Variants in SLC36A1 observed in about 807,000 individuals in gnomAD.
SLC36A1 encodes solute carrier family 36 member 1, also known as proton-coupled amino acid transporter 1.
A neutral mutation model predicts 47.5 loss-of-function variants in SLC36A1; 30 were observed. The observed-to-expected ratio is 0.63, with a 90% CI of 0.47 to 0.86. SLC36A1 has a LOEUF of 0.86. Among genes scored for constraint, SLC36A1 ranks in the 40% least tolerant of loss-of-function variants. The probability of loss-of-function intolerance (pLI) is 0.00; values close to 1 mark genes in which losing one functional copy is unlikely to be tolerated. For missense variants in SLC36A1, 517 were observed against 606.0 expected (o/e 0.85, Z 1.54); for synonymous variants, 255 against 249.7 (o/e 1.02, Z -0.20).
chr5:151,553,217 G>T, the SLC36A1 span: 2 of 1,614,236 alleles, frequency 1.2e-6, no homozygotes, highest in South Asian at 2.2e-5. Context: ...TGCCCTCTAC[G>T]CTGATGACCC....
the SLC36A1 span, among the ~76,000 whole-genome samples, chr5:151,345,177 G>C: frequency 6.6e-6 from 1 of 152,198 alleles, no homozygotes; most frequent in African/African-American, 2.4e-5. Context: ...ACCTGTACCA[G>C]GTTAAGTCAA....
At chr5:151,393,600 G>A in the SLC36A1 span, among the ~76,000 whole-genome samples, 1 of 152,220 alleles carries the variant, frequency 6.6e-6, no homozygotes, top group Non-Finnish European at 1.5e-5. Flanking sequence ...CAGGCCTGGT[G>A]ATGACTAAAT....
At chr5:151,389,673 C>T in the SLC36A1 span, among the ~76,000 whole-genome samples, 6 of 150,722 alleles carry the variant, frequency 4.0e-5, no homozygotes, top group African/African-American at 1.2e-4. Context: ...GTTTTTTGTC[C>T]TTGCAATAGT....
At chr5:151,368,714 GT>G in the SLC36A1 span, among the ~76,000 whole-genome samples, 1,616 of 152,174 alleles carry the variant, frequency 0.011, 65 homozygotes, top group East Asian at 0.14. Flanking sequence ...AAGAATCTTT[GT>G]TTTGGTGATC....
At chr5:151,519,967 A>T in the SLC36A1 span, among the ~76,000 whole-genome samples, 1 of 152,174 alleles carries the variant, frequency 6.6e-6, no homozygotes, top group South Asian at 2.1e-4. Flanking sequence ...CAAAATCTTG[A>T]ATTTTAGAAC....
the SLC36A1 span, among the ~76,000 whole-genome samples, chr5:151,390,058 C>T: frequency 6.6e-6 from 1 of 152,178 alleles, no homozygotes; most frequent in Non-Finnish European, 1.5e-5. Context: ...TCTCCACATC[C>T]TCTCCAGCAC....
chr5:151,483,737 G>A (rs1319509547), intron 10 of SLC36A1, among the ~76,000 whole-genome samples: 1 of 152,194 alleles, frequency 6.6e-6, no homozygotes, highest in Admixed American at 6.5e-5. Flanking sequence ...TACCCGTGCT[G>A]TTGAACCCTG....
At chr5:151,435,116 G>A (rs1401008373), upstream of SLC36A1, among the ~76,000 whole-genome samples, 1 of 152,144 alleles carries the variant, frequency 6.6e-6, no homozygotes, top group Admixed American at 6.6e-5. Flanking sequence ...ACACGTATCT[G>A]GACACTTTAT....
chr5:151,512,249 G>A, the SLC36A1 span: 17 of 1,614,208 alleles, frequency 1.1e-5, no homozygotes, highest in Non-Finnish European at 1.4e-5. The surrounding 1 kb of genome is among the most constrained non-coding windows in gnomAD (Gnocchi z 4.1). Context: ...CACTGGGTGA[G>A]GGCTTGTGTC....
At chr5:151,401,071 G>A in the SLC36A1 span, among the ~76,000 whole-genome samples, 1 of 151,982 alleles carries the variant, frequency 6.6e-6, no homozygotes, top group African/African-American at 2.4e-5. Context: ...GCTTTTGAGG[G>A]CTTAGTCATA....
At chr5:151,471,107 C>T (rs1757253015) in intron 7 of SLC36A1, 1 of 152,160 alleles carries the variant, frequency 6.6e-6, no homozygotes, top group Non-Finnish European at 1.5e-5. Context: ...CACTTAATAT[C>T]ATTGATACAT....
chr5:151,551,639 C>T, the SLC36A1 span: 2 of 1,612,618 alleles, frequency 1.2e-6, no homozygotes, highest in Non-Finnish European at 1.7e-6. Context: ...GCACACACAA[C>T]CTCAGTGATT....
chr5:151,506,296 C>T, the SLC36A1 span, among the ~76,000 whole-genome samples: 5 of 152,220 alleles, frequency 3.3e-5, no homozygotes, highest in African/African-American at 1.2e-4. Context: ...GAGGTTTGAC[C>T]TAAGGCCAGC....
chr5:151,406,299 A>AT, the SLC36A1 span, among the ~76,000 whole-genome samples: 1 of 152,180 alleles, frequency 6.6e-6, no homozygotes, highest in Non-Finnish European at 1.5e-5. Flanking sequence ...ATTCAGAGAG[A>AT]TTTTAAAACA....
chr5:151,541,465 A>C, the SLC36A1 span, among the ~76,000 whole-genome samples: 2 of 152,128 alleles, frequency 1.3e-5, no homozygotes, highest in Non-Finnish European at 2.9e-5. Flanking sequence ...CTTTGATCCT[A>C]TGTCTTCGGG....
chr5:151,517,648 G>A, the SLC36A1 span: 1 of 1,614,148 alleles, frequency 6.2e-7, no homozygotes, highest in Non-Finnish European at 8.5e-7. Flanking sequence ...TGTTTCATTG[G>A]TGAATAGAAG....
chr5:151,418,502 G>A, the SLC36A1 span, among the ~76,000 whole-genome samples: 5 of 152,284 alleles, frequency 3.3e-5, 1 homozygote, highest in South Asian at 6.2e-4. Context: ...AGTCAAAGGC[G>A]ATCATTTCAG....
At chr5:151,352,711 C>T in the SLC36A1 span, among the ~76,000 whole-genome samples, 1 of 152,304 alleles carries the variant, frequency 6.6e-6, no homozygotes, top group East Asian at 1.9e-4. Context: ...TGGCTCCTTC[C>T]CTGATATTCC....
At chr5:151,516,509 CTG>C in the SLC36A1 span, among the ~76,000 whole-genome samples, 1 of 152,148 alleles carries the variant, frequency 6.6e-6, no homozygotes, top group Non-Finnish European at 1.5e-5. Flanking sequence ...GAGTGAGACT[CTG>C]TCTCAATAAA....
Sources: gnomAD v4.1 joint callset for allele counts (sites outside exome capture counted in the v4.1 genomes callset) on GRCh38, gnomAD v4.1.1 for gene constraint, Gnocchi (gnomAD v3.1) non-coding constraint, MANE v1.5 for transcripts, NCBI Gene and HGNC (gene_info 2026-07-23, HGNC 2026-07-21) for gene names.